The following USP34 variants were observed in gnomAD, a reference collection of about 807,000 sequenced individuals.
USP34 encodes ubiquitin carboxyl-terminal hydrolase 34.
In USP34, 70 loss-of-function variants were observed where a neutral mutation model predicts 460.3. The ratio of observed to expected loss-of-function variants is 0.15; its 90% CI spans 0.13 to 0.19. The LOEUF is 0.19. Ranked by LOEUF, USP34 falls within the 10% of genes least tolerant of loss-of-function variation. The pLI is 1.00. For synonymous variants in USP34, 1,647 were observed against 1,405.3 expected, an observed-to-expected ratio of 1.17 and a Z score of -3.85; for missense variants, 3,985 against 4,236.2, an observed-to-expected ratio of 0.94 and a Z score of 1.65.
intron 74 of USP34, among the ~76,000 whole-genome samples, chr2:61,203,483 T>C (rs913991033): frequency 6.6e-6 from 1 of 152,196 alleles, no homozygotes; most frequent in Admixed American, 6.5e-5. Flanking sequence ...ATTATTTCTA[T>C]ATACTTTAAT....
At position 61,414,898 on chromosome 2, in the gene USP34, A is replaced by T. The variant is rs911274618; in HGVS notation, c.131+5848T>A. 3.3e-5 allele frequency among the ~76,000 whole-genome samples: 5 copies of T among 152,118 alleles called. No individual in the cohort carries two copies. In the South Asian group the frequency reaches 8.3e-4, roughly 25 times the overall value. On this transcript the variant is annotated intron_variant, in intron 2 of 79. Transcript: ENST00000398571. ...CATCTGATTGGTTATGGAAAGTGGG[A>T]CCAGTCAGAGGCTGAAGTTACAAAG...
At chr2:61,301,481 A>C in intron 27 of USP34, 27 bp from the exon 28 acceptor site, 1 of 1,592,594 alleles carries the variant, frequency 6.3e-7, no homozygotes, top group Non-Finnish European at 8.6e-7. Flanking sequence ...CATGGAAATG[A>C]ATTTGTTTTT....
At chr2:61,323,626 G>C (rs1202610038) in intron 21 of USP34, among the ~76,000 whole-genome samples, 2 of 152,082 alleles carry the variant, frequency 1.3e-5, no homozygotes, top group African/African-American at 2.4e-5. Flanking sequence ...GTGGTGGGGA[G>C]AACAGCCATG....
chr2:61,242,532 G>C (rs1453861196), intron 51 of USP34, among the ~76,000 whole-genome samples: 4 of 149,028 alleles, frequency 2.7e-5, no homozygotes, highest in Non-Finnish European at 5.9e-5. Context: ...GGACCATGAA[G>C]CAATAAGAAG....
At chr2:61,447,716 T>TTTTATTTA (rs1008854837) in intron 1 of USP34, among the ~76,000 whole-genome samples, 1 of 152,114 alleles carries the variant, frequency 6.6e-6, no homozygotes, top group African/African-American at 2.4e-5. Context: ...GGGTTTTTTC[T>TTTTATTTA]TTTATTTATT....
chr2:61,283,599 G>C, intron 35 of USP34, 150 bp from the exon 36 acceptor site: 1 of 706,224 alleles, frequency 1.4e-6, no homozygotes, highest in Non-Finnish European at 2.3e-6. Context: ...GTGAGAGTGA[G>C]AGAGAGTGTG....
At chr2:61,356,590 C>T (rs1479830993) in intron 10 of USP34, among the ~76,000 whole-genome samples, 1 of 152,018 alleles carries the variant, frequency 6.6e-6, no homozygotes, top group East Asian at 1.9e-4. Context: ...AGAGATTAGG[C>T]TAAGTGAAAT....
chr2:61,391,500 T>A (rs1693345173), intron 5 of USP34, among the ~76,000 whole-genome samples: 1 of 152,176 alleles, frequency 6.6e-6, no homozygotes, highest in South Asian at 2.1e-4. Context: ...AAGTGATTTA[T>A]GAGTTATTTT....
At chr2:61,317,858 T>C (rs927899883) in intron 22 of USP34, 91 bp from the exon 23 acceptor site, 3 of 889,726 alleles carry the variant, frequency 3.4e-6, no homozygotes, top group Non-Finnish European at 1.7e-6. Context: ...GAAAACACTG[T>C]AGAAGGAAAC....
intron 41 of USP34, among the ~76,000 whole-genome samples, chr2:61,273,678 G>C (rs1161706023): frequency 1.3e-5 from 2 of 152,128 alleles, no homozygotes; most frequent in Non-Finnish European, 2.9e-5. Context: ...CTGCACCACT[G>C]CACTCCAGCC....
At chr2:61,395,048 A>G in intron 4 of USP34, 46 bp from the exon 5 acceptor site, 1 of 1,541,566 alleles carries the variant, frequency 6.5e-7, no homozygotes, top group Non-Finnish European at 8.7e-7. Context: ...ACGTACAAAT[A>G]ATTTTTATCT....
At chr2:61,449,822 C>A (rs1053009987) in intron 1 of USP34, among the ~76,000 whole-genome samples, 2 of 152,146 alleles carry the variant, frequency 1.3e-5, no homozygotes, top group African/African-American at 4.8e-5. Context: ...AATCCCAGCA[C>A]TTTGGGAGGC....
At chr2:61,461,401 T>C (rs907241170) in intron 1 of USP34, among the ~76,000 whole-genome samples, 2 of 122,496 alleles carry the variant, frequency 1.6e-5, no homozygotes, top group African/African-American at 6.0e-5. Flanking sequence ...CTCAAAAAAA[T>C]AAAAAAAAAA....
At chr2:61,339,203 A>C (rs1691515139) in intron 18 of USP34, 148 bp downstream of exon 18, 1 of 780,142 alleles carries the variant, frequency 1.3e-6, no homozygotes, top group Non-Finnish European at 1.8e-6. Flanking sequence ...GAAACCTCTA[A>C]ATTTCATATG....
At chr2:61,353,030 A>G (rs1691991071) in intron 10 of USP34, among the ~76,000 whole-genome samples, 1 of 152,204 alleles carries the variant, frequency 6.6e-6, no homozygotes, top group African/African-American at 2.4e-5. Flanking sequence ...TCAGCCTCCA[A>G]TGCCATAGCT....
At chr2:61,402,571 T>C (rs1240711802) in intron 3 of USP34, among the ~76,000 whole-genome samples, 1 of 152,224 alleles carries the variant, frequency 6.6e-6, no homozygotes, top group Non-Finnish European at 1.5e-5. Flanking sequence ...TTGCTTCTTC[T>C]ATAAAATAAA....
chr2:61,455,215 G>A (rs1695402063), intron 1 of USP34, among the ~76,000 whole-genome samples: 1 of 150,702 alleles, frequency 6.6e-6, no homozygotes, highest in African/African-American at 2.4e-5. Flanking sequence ...GTCTCCGTCT[G>A]TCACCCAACC....
intron 53 of USP34, among the ~76,000 whole-genome samples, chr2:61,241,344 C>T (rs1688253441): frequency 6.6e-6 from 1 of 152,108 alleles, no homozygotes; most frequent in African/African-American, 2.4e-5. Context: ...ACCCAGTCGC[C>T]TACTCTCTTT....
chr2:61,433,975 C>T (rs181880306), intron 1 of USP34, among the ~76,000 whole-genome samples: 180 of 152,290 alleles, frequency 1.2e-3, no homozygotes, highest in Non-Finnish European at 2.1e-3. Context: ...CCAACTCCCA[C>T]AACCAGACCA....
Sources: allele counts gnomAD v4.1 joint callset (sites outside exome capture counted in the v4.1 genomes callset), GRCh38; gene constraint gnomAD v4.1.1; transcripts MANE v1.5; gene names NCBI Gene and HGNC (gene_info 2026-07-23, HGNC 2026-07-21).